Variants in ZNF12 observed in about 807,000 individuals in gnomAD.
The protein encoded by ZNF12 is zinc finger protein 12, also known as gonadotropin inducible transcription repressor 3.
ZNF12 carries 34 observed loss-of-function variants against 66.6 expected under a neutral mutation model. The ratio of observed to expected loss-of-function variants is 0.51; its 90% CI spans 0.39 to 0.68. The LOEUF (loss-of-function observed/expected upper bound fraction) is 0.68. ZNF12 is among the 30% of genes least tolerant of loss of function. ZNF12 has a pLI of 0.00. For synonymous variants in ZNF12, 320 were observed against 278.9 expected (o/e 1.15, Z -1.47); for missense variants, 697 against 826.9 (o/e 0.84, Z 1.93).
At position 6,691,453 on chromosome 7, in the gene ZNF12, C is replaced by T. The variant is rs189725059; in HGVS notation, c.1489G>A (p.Glu497Lys). ...HTGEKPYECN[E>K]CGKLFSQLSY... is the part of the protein sequence containing the mutation. ...AACTGGGAGAATAACTTTCCACATT[C>T]ATTACATTCGTAAGGTTTCTCTCCT... Residue 497 changes from glutamate to lysine, a missense_variant, in exon 5 of 5, where the codon GAA becomes AAA. Physicochemically the swap from Glu to Lys is moderately conservative, Grantham distance 56. Transcript: ENST00000405858. The T allele has an allele frequency of 3.1e-6, 5 of 1,614,054 alleles. No homozygotes were observed. The highest frequency in any genetic ancestry group is 3.4e-6 in the Non-Finnish European group (4 of 1,179,968).
At chr7:6,702,316 A>ACACACACC (rs1281904155) in intron 2 of ZNF12, among the ~76,000 whole-genome samples, 16 of 152,010 alleles carry the variant, frequency 1.1e-4, no homozygotes, top group Non-Finnish European at 5.9e-5. Flanking sequence ...ACACACACAC[A>ACACACACC]CACACACACC....
chr7:6,697,066 G>C lies in ZNF12; in HGVS notation c.238+273C>G, dbSNP rs1229503970. On this transcript the variant is annotated intron_variant, in intron 4 of 4. Transcript: ENST00000405858. This position sits in a 1 kb window ranked among gnomAD's most constrained non-coding sequence, Gnocchi z 6.1. ...AACACCTAAAAAATCCATGATAATG[G>C]TTTCTGAAAATGCTAGAAGAGCAAG... 6.6e-6 allele frequency among the ~76,000 whole-genome samples: 1 copy of C among 151,948 alleles called. No individual in the cohort carries two copies. Among genetic ancestry groups the C allele is most frequent in the African/African-American group, 2.4e-5 (1 of 41,358 alleles).
chr7:6,706,215 G>C (rs1019866623), intron 1 of ZNF12, among the ~76,000 whole-genome samples: 1 of 152,218 alleles, frequency 6.6e-6, no homozygotes, highest in Non-Finnish European at 1.5e-5. Flanking sequence ...GGGCTGCTGG[G>C]GTGAGGGGGG....
Position 6,698,064 on chromosome 7 carries a change from G to T in ZNF12, c.16-253C>A. Reference sequence around the variant, plus strand: ...AGCCAGAAACAATCCTGGCTGTTGGGAACTCTTAACACCAGCAGGGACGAA... The same window carrying T: ...AGCCAGAAACAATCCTGGCTGTTGGTAACTCTTAACACCAGCAGGGACGAA... On this transcript the variant is annotated intron_variant, in intron 2 of 4. Coordinates refer to ENST00000405858, the MANE Select transcript of ZNF12 (RefSeq NM_016265.4). This position sits in a 1 kb window ranked among gnomAD's most constrained non-coding sequence, Gnocchi z 4.4. The T allele has an allele frequency of 1.5e-6, 1 of 689,154 alleles. No individual in the cohort carries two copies. The highest frequency in any genetic ancestry group is 2.7e-6 in the Non-Finnish European group (1 of 371,306). 42.7% of individuals were successfully genotyped at this position (689,154 alleles called of 1,614,324 possible). A position where few individuals can be genotyped will look rare whatever the true frequency, so the allele number is the denominator to read the frequency against.
Position 6,692,235 on chromosome 7 carries a change from A to G in ZNF12, c.707T>C (p.Met236Thr), listed in dbSNP as rs61731529. 11,141 of 1,613,910 alleles carry G rather than the reference A, an allele frequency of 6.9e-3. 85 individuals are homozygous for G. Among genetic ancestry groups the G allele is most frequent in the African/African-American group, 0.026 (1,965 of 75,052 alleles). Residue 236 changes from methionine to threonine, a missense_variant, in exon 5 of 5, where the codon ATG becomes ACG. Coordinates refer to ENST00000405858, the MANE Select transcript of ZNF12 (RefSeq NM_016265.4). This position sits in a 1 kb window ranked among gnomAD's most constrained non-coding sequence, Gnocchi z 5.1. ...ATTCCACTTATAGGGCTTTTCTTCCATGTGATTAACAAAAACAGTGTCCTT... is the reference window on the plus strand; with the variant it reads ...ATTCCACTTATAGGGCTTTTCTTCCGTGTGATTAACAAAAACAGTGTCCTT... ...FQKDTVFVNHMEEKPYKWNGS... is the reference protein window; with the variant it reads ...FQKDTVFVNHTEEKPYKWNGS...
At position 6,691,520 on chromosome 7, in the gene ZNF12, G is replaced by A; in HGVS notation, c.1422C>T (p.Phe474=). ...PYECNECGKT[F]YLNSALMRHQ... ...GTCTCATGAGGGCTGAATTCAGGTA[G>A]AAGGTTTTTCCACATTCATTACATT... Residue 474 remains phenylalanine, a synonymous_variant, in exon 5 of 5, where the codon TTC becomes TTT. Transcript: ENST00000405858. 1 of 1,614,088 alleles carries A rather than the reference G, an allele frequency of 6.2e-7. No homozygotes were observed. Among genetic ancestry groups the A allele is most frequent in the South Asian group, 1.1e-5 (1 of 91,078 alleles).
intron 2 of ZNF12, among the ~76,000 whole-genome samples, chr7:6,702,400 C>CACAA (rs1780264482): frequency 1.1e-3 from 1 of 924 alleles, no homozygotes; most frequent in East Asian, 0.022. Context: ...ACACACACAA[C>CACAA]CAGATTCGTC....
chr7:6,690,989 AT>A lies in ZNF12; in HGVS notation c.1952del (p.His651LeufsTer38), dbSNP rs1232707533. On this transcript the variant is annotated frameshift_variant, in exon 5 of 5. Coordinates refer to ENST00000405858, the MANE Select transcript of ZNF12 (RefSeq NM_016265.4). LOFTEE classifies it high-confidence loss of function. ...AFSRMSYLTVHYRTHSGEKPY... is the reference protein window; with the variant it reads ...AFSRMSYLTVXYRTHSGEKPY... ...GTTTCTCTCCTGAATGAGTTCTATA[AT>A]GTACAGTGAGGTATGACATCCGAGA... The A allele has an allele frequency of 1.2e-6, 2 of 1,614,122 alleles. No individual in the cohort carries two copies. Among genetic ancestry groups the A allele is most frequent in the Non-Finnish European group, 1.7e-6 (2 of 1,179,986 alleles).
chr7:6,691,071 T>A lies in ZNF12; in HGVS notation c.1871A>T (p.His624Leu). 4 of 1,614,146 alleles carry A rather than the reference T, an allele frequency of 2.5e-6. No homozygotes were observed. The highest frequency in any genetic ancestry group is 3.4e-6 in the Non-Finnish European group (4 of 1,180,006). Residue 624 changes from histidine to leucine, a missense_variant, in exon 5 of 5, where the codon CAT becomes CTT. His to Leu is a moderately conservative substitution (Grantham distance 99). Around this residue, in one of 3 missense-constraint regions of ZNF12, gnomAD observed 401 missense variants for 519.0 expected, o/e 0.77. Transcript: ENST00000405858. ...GGGTTTCTCTCCTGAATGAATTCGATGATGTATAGTGAGATAGGACATCTG... is the reference window on the plus strand; with the variant it reads ...GGGTTTCTCTCCTGAATGAATTCGAAGATGTATAGTGAGATAGGACATCTG... ...FSQMSYLTIHHRIHSGEKPFE... is the reference protein window; with the variant it reads ...FSQMSYLTIHLRIHSGEKPFE...
chr7:6,701,508 A>G (rs1356140274), intron 2 of ZNF12, among the ~76,000 whole-genome samples: 2 of 152,124 alleles, frequency 1.3e-5, no homozygotes, highest in Non-Finnish European at 2.9e-5. Context: ...CAAGCTCCCA[A>G]AAGAGTAGTA....
chr7:6,694,395 G>A (rs1780122415), intron 4 of ZNF12, among the ~76,000 whole-genome samples: 1 of 152,132 alleles, frequency 6.6e-6, no homozygotes, highest in Admixed American at 6.5e-5. Context: ...AAAAAAATCT[G>A]AGAGACAATA....
Position 6,691,144 on chromosome 7 carries a change from T to A in ZNF12, c.1798A>T (p.Thr600Ser). ...SALNRHQRTH[T>S]GEKAYECYEC... ...TAACATTCGTAGGCTTTCTCTCCTG[T>A]GTGTGTTCTCTGATGTCGATTAAGG... Residue 600 changes from threonine to serine, a missense_variant, in exon 5 of 5, where the codon ACA becomes TCA. By Grantham distance (58) the Thr-to-Ser change is moderately conservative. This residue lies in a region of ZNF12 where 401 missense variants were observed against 519.0 expected (regional missense o/e 0.77). Coordinates refer to ENST00000405858, the MANE Select transcript of ZNF12 (RefSeq NM_016265.4). 6.2e-7 allele frequency: 1 copy of A among 1,614,098 alleles called. No individual in the cohort carries two copies. Among genetic ancestry groups the A allele is most frequent in the Admixed American group, 1.7e-5 (1 of 60,022 alleles).
intron 4 of ZNF12, among the ~76,000 whole-genome samples, chr7:6,694,059 T>G (rs1054729604): frequency 6.6e-6 from 1 of 151,468 alleles, no homozygotes; most frequent in Non-Finnish European, 1.5e-5. Flanking sequence ...CCCAACTACT[T>G]GGAAGGCTGA....
In ZNF12 at chr7:6,689,745, C is replaced by G. The variant is rs1408806225; in HGVS notation, c.*1103G>C. 6.6e-6 allele frequency: 1 copy of G among 152,010 alleles called. No individual in the cohort carries two copies. The highest frequency in any genetic ancestry group is 1.5e-5 in the Non-Finnish European group (1 of 67,970). The allele number at this position is 152,010 out of a possible 1,614,324, so 9.4% of individuals were successfully genotyped here. ...TCACTCGGCAATGTCTGCCACAGAC[C>G]CTTGTTAGAATGTGTTCTTAATTCA... is the stretch of plus-strand genomic sequence containing the variant. On this transcript the variant is annotated 3_prime_UTR_variant, in exon 5 of 5. Transcript: ENST00000405858.
rs1265567624 is a variant in ZNF12 at position 6,691,520 on chromosome 7, G to C, written c.1422C>G (p.Phe474Leu). ...GTCTCATGAGGGCTGAATTCAGGTAGAAGGTTTTTCCACATTCATTACATT... is the reference window on the plus strand; with the variant it reads ...GTCTCATGAGGGCTGAATTCAGGTACAAGGTTTTTCCACATTCATTACATT... Reference protein sequence around the residue: ...PYECNECGKTFYLNSALMRHQ... With the variant: ...PYECNECGKTLYLNSALMRHQ... Residue 474 changes from phenylalanine to leucine, a missense_variant, in exon 5 of 5, where the codon TTC (phenylalanine) becomes TTG (leucine). Physicochemically the swap from Phe to Leu is conservative, Grantham distance 22. Transcript: ENST00000405858. 6.2e-7 allele frequency: 1 copy of C among 1,613,970 alleles called. No homozygotes were observed. The highest frequency in any genetic ancestry group is 8.5e-7 in the Non-Finnish European group (1 of 1,179,992).
In ZNF12 at chr7:6,706,926, A is replaced by T. The variant is rs779589663; in HGVS notation, c.-545T>A. The T allele has an allele frequency of 1.2e-5, 5 of 411,842 alleles. No individual in the cohort carries two copies. The East Asian group carries it at 6.4e-4, about 53-fold the overall frequency. The allele number at this position is 411,842 out of a possible 1,614,324, so 25.5% of individuals were successfully genotyped here. On this transcript the variant is annotated 5_prime_UTR_variant, in exon 1 of 5. Transcript: ENST00000405858. ...AACTAGGGCGAGCGGTGACCTGGGG[A>T]CGCACAGGAAGCGAGGGCACTGCGG...
At chr7:6,704,740 CAAAAAAAAA>C (rs949897713) in intron 2 of ZNF12, among the ~76,000 whole-genome samples, 79 of 32,254 alleles carry the variant, frequency 2.4e-3, no homozygotes, top group South Asian at 0.013. Context: ...TACTTGGTCT[CAAAAAAAAA>C]AAAAAAAAAA....
rs566859495 is a variant in ZNF12, at chr7:6,688,477, T to G, written c.*2371A>C. 6.6e-6 allele frequency: 1 copy of G among 152,346 alleles called. No homozygotes were observed. Among genetic ancestry groups the G allele is most frequent in the South Asian group, 2.1e-4 (1 of 4,830 alleles). The allele number at this position is 152,346 out of a possible 1,614,324, so 9.4% of individuals were successfully genotyped here. A position where few individuals can be genotyped will look rare whatever the true frequency, so the allele number is the denominator to read the frequency against. ...TTACTGAAAATGCATATTGTACAATTAATGTATAATGACACACCAGTGTGA... is the reference window on the plus strand; with the variant it reads ...TTACTGAAAATGCATATTGTACAATGAATGTATAATGACACACCAGTGTGA... On this transcript the variant is annotated 3_prime_UTR_variant, in exon 5 of 5. Coordinates refer to ENST00000405858, the MANE Select transcript of ZNF12 (RefSeq NM_016265.4). This position sits in a 1 kb window ranked among gnomAD's most constrained non-coding sequence, Gnocchi z 4.3.
In ZNF12 at chr7:6,691,980, CCT is replaced by C. The variant is rs752298736; in HGVS notation, c.960_961del (p.Lys323AlafsTer3). ...TTCATTACATTCATAGGGCTTCTCC[CCT>C]GTGTGTGTTCTCTGATGCACAGTAA... On this transcript the variant is annotated frameshift_variant, in exon 5 of 5. Transcript: ENST00000405858. LOFTEE classifies it high-confidence loss of function. 16 of 1,613,846 alleles carry C rather than the reference CCT, an allele frequency of 9.9e-6. No homozygotes were observed. The highest frequency in any genetic ancestry group is 1.1e-5 in the South Asian group (1 of 91,070).
Sources: allele counts gnomAD v4.1 joint callset (sites outside exome capture counted in the v4.1 genomes callset), GRCh38; gene constraint gnomAD v4.1.1; regional missense constraint gnomAD v4.1.1; non-coding constraint Gnocchi (gnomAD v3.1); transcripts MANE v1.5; gene names NCBI Gene and HGNC (gene_info 2026-07-23, HGNC 2026-07-21).